The following TRAPPC9 variants were observed in gnomAD, a reference collection of about 807,000 sequenced individuals.
The protein encoded by TRAPPC9 is trafficking protein particle complex subunit 9.
In TRAPPC9, 83 loss-of-function variants were observed where a neutral mutation model predicts 124.0. The observed-to-expected ratio is 0.67, with a 90% CI of 0.56 to 0.80. The LOEUF is 0.80. TRAPPC9 is among the 30% of genes least tolerant of loss of function. The pLI is 0.00. For missense variants in TRAPPC9, 1,302 were observed against 1,508.3 expected (o/e 0.86, Z 2.27); for synonymous variants, 638 against 617.5 (o/e 1.03, Z -0.49).
chr8:140,435,105 A>G lies in TRAPPC9; in HGVS notation c.859+7T>C. On this transcript the variant is annotated splice_region_variant and intron_variant, in intron 4 of 22. Coordinates refer to ENST00000438773, the MANE Select transcript of TRAPPC9 (RefSeq NM_001160372.4). ...TGAGCAGAGGCCGGAAAAAGGGCAG[A>G]GCTCACCTGGCCGGTGTCTATTGGC... The G allele has an allele frequency of 6.2e-7, 1 of 1,614,230 alleles. No homozygotes were observed. Among genetic ancestry groups the G allele is most frequent in the Non-Finnish European group, 8.5e-7 (1 of 1,180,040 alleles).
At chr8:139,916,053 G>A (rs910904334) in intron 19 of TRAPPC9, among the ~76,000 whole-genome samples, 41 of 152,152 alleles carry the variant, frequency 2.7e-4, no homozygotes, top group African/African-American at 8.7e-4. Context: ...GGACTTCAGG[G>A]GAGCTTATAT....
chr8:140,011,475 T>C (rs952472712), intron 18 of TRAPPC9, among the ~76,000 whole-genome samples: 7 of 150,926 alleles, frequency 4.6e-5, no homozygotes, highest in Admixed American at 1.3e-4. Flanking sequence ...TACTCGTCTC[T>C]ACTTAACATG....
chr8:140,130,891 G>T (rs946171715), intron 17 of TRAPPC9, among the ~76,000 whole-genome samples: 2 of 152,118 alleles, frequency 1.3e-5, no homozygotes, highest in Admixed American at 1.3e-4. Flanking sequence ...CACAATAAAT[G>T]TTCAGTGTAA....
intron 20 of TRAPPC9, among the ~76,000 whole-genome samples, chr8:139,886,327 T>C (rs935760014): frequency 6.6e-6 from 1 of 152,266 alleles, no homozygotes; most frequent in African/African-American, 2.4e-5. Flanking sequence ...GGTTCACTGT[T>C]CAATACAACC....
At chr8:140,295,220 TA>T (rs2065774417) in intron 11 of TRAPPC9, among the ~76,000 whole-genome samples, 1 of 152,148 alleles carries the variant, frequency 6.6e-6, no homozygotes, top group South Asian at 2.1e-4. Flanking sequence ...CCCCAGCACA[TA>T]GCACAGGGCA....
In TRAPPC9 at chr8:139,885,904, G is replaced by A. The variant is rs1260109762; in HGVS notation, c.3030C>T (p.His1010=). ...CCCACTGCAGAGGCGCCAGCTGCAG[G>A]TGCTCCAGGACGAGCTGGTTCAGGA... ...EGLLNQLVLE[H]LQLAPLQWDV... The change falls in exon 21 of 23, where the codon CAC becomes CAT. Residue 1010 remains histidine, a synonymous_variant. Coordinates refer to ENST00000438773, the MANE Select transcript of TRAPPC9 (RefSeq NM_001160372.4). The A allele has an allele frequency of 1.9e-6, 3 of 1,569,598 alleles. No individual in the cohort carries two copies. The highest frequency in any genetic ancestry group is 1.2e-5 in the South Asian group (1 of 85,190).
intron 17 of TRAPPC9, among the ~76,000 whole-genome samples, chr8:140,037,494 G>A (rs1840969788): frequency 6.6e-6 from 1 of 152,026 alleles, no homozygotes; most frequent in East Asian, 1.9e-4. Flanking sequence ...CCCAGCTACA[G>A]TTCAGACCTC....
intron 19 of TRAPPC9, among the ~76,000 whole-genome samples, chr8:139,912,517 C>G (rs1264065596): frequency 6.6e-6 from 1 of 152,212 alleles, no homozygotes; most frequent in African/African-American, 2.4e-5. Context: ...GAACTGTTCC[C>G]AGACATGGAG....
chr8:140,116,827 G>A (rs537617615), intron 17 of TRAPPC9, among the ~76,000 whole-genome samples: 3 of 97,592 alleles, frequency 3.1e-5, no homozygotes, highest in Admixed American at 1.3e-4. Context: ...CTGAATAGGC[G>A]GAGTTCAGTG....
At chr8:139,959,248 T>C (rs1835218540) in intron 19 of TRAPPC9, among the ~76,000 whole-genome samples, 1 of 152,228 alleles carries the variant, frequency 6.6e-6, no homozygotes, top group African/African-American at 2.4e-5. Flanking sequence ...TGATGAAGTA[T>C]TTAGGTGAAG....
chr8:139,988,247 G>A (rs1176542410), intron 19 of TRAPPC9, among the ~76,000 whole-genome samples: 3 of 151,760 alleles, frequency 2.0e-5, no homozygotes, highest in Non-Finnish European at 4.4e-5. Flanking sequence ...CGAGTAGCTG[G>A]GATAACAGGC....
At chr8:139,965,789 C>CAAGGGGAAATACAAACAATGCAATT (rs1835667156) in intron 19 of TRAPPC9, among the ~76,000 whole-genome samples, 45 of 152,122 alleles carry the variant, frequency 3.0e-4, no homozygotes, top group South Asian at 8.3e-4. Flanking sequence ...CCATGTTGAG[C>CAAGGGGAAATACAAACAATGCAATT]AGAGTTGGCT....
At chr8:140,328,804 T>C (rs2066811379) in intron 9 of TRAPPC9, among the ~76,000 whole-genome samples, 1 of 152,060 alleles carries the variant, frequency 6.6e-6, no homozygotes, top group Admixed American at 6.6e-5. Flanking sequence ...CTAATTAGCA[T>C]AGTTATAATT....
intron 21 of TRAPPC9, among the ~76,000 whole-genome samples, chr8:139,820,105 A>G (rs2130789179): frequency 6.6e-6 from 1 of 152,186 alleles, no homozygotes; most frequent in South Asian, 2.1e-4. Flanking sequence ...ATAAATGCCA[A>G]AAGACATTTT....
chr8:140,301,896 A>G (rs1356968594), intron 10 of TRAPPC9, among the ~76,000 whole-genome samples: 1 of 152,210 alleles, frequency 6.6e-6, no homozygotes, highest in African/African-American at 2.4e-5. Flanking sequence ...GGCCTGGAGC[A>G]CTCAGCAACC....
chr8:140,025,029 C>T (rs937476100), intron 17 of TRAPPC9, among the ~76,000 whole-genome samples: 1 of 152,188 alleles, frequency 6.6e-6, no homozygotes, highest in Admixed American at 6.5e-5. Context: ...CAGCGGTACC[C>T]AGTGAGAGGC....
intron 17 of TRAPPC9, among the ~76,000 whole-genome samples, chr8:140,114,000 A>T (rs146526587): frequency 6.6e-6 from 1 of 152,316 alleles, no homozygotes; most frequent in African/African-American, 2.4e-5. Flanking sequence ...GAAGTCTCTG[A>T]TCAGAATTGA....
Position 139,729,315 on chromosome 8 carries a change from C to T in TRAPPC9, c.*1746G>A, listed in dbSNP as rs1049539294. Reference sequence around the variant, plus strand: ...TGCAATGTGTTGTTTCATTCAATGGCGTATTTTTGGGCTCTGTTGAGGTTG... The same window carrying T: ...TGCAATGTGTTGTTTCATTCAATGGTGTATTTTTGGGCTCTGTTGAGGTTG... On this transcript the variant is annotated 3_prime_UTR_variant, in exon 23 of 23. Transcript: ENST00000438773. 2.0e-5 allele frequency among the ~76,000 whole-genome samples: 3 copies of T among 152,252 alleles called. No homozygotes were observed. Among genetic ancestry groups the T allele is most frequent in the African/African-American group, 4.8e-5 (2 of 41,456 alleles).
In TRAPPC9 at chr8:140,451,143, G is replaced by A. The variant is rs763988631; in HGVS notation, c.231C>T (p.Val77=). 16 of 1,613,964 alleles carry A rather than the reference G, an allele frequency of 9.9e-6. No individual in the cohort carries two copies. Among genetic ancestry groups the A allele is most frequent in the East Asian group, 2.2e-5 (1 of 44,888 alleles). ...AGTCTGTGATGGTGATGAGGCCCACGACTTTGCGGTGGGTCTGGAAGTCAC... is the reference window on the plus strand; with the variant it reads ...AGTCTGTGATGGTGATGAGGCCCACAACTTTGCGGTGGGTCTGGAAGTCAC... ...EWGDFQTHRK[V]VGLITITDCF... is the part of the protein sequence containing the mutation. The change falls in exon 2 of 23, where the codon GTC becomes GTT. Residue 77 remains valine (V), a synonymous_variant. Transcript: ENST00000438773.
Sources: allele counts gnomAD v4.1 joint callset (sites outside exome capture counted in the v4.1 genomes callset), GRCh38; gene constraint gnomAD v4.1.1; transcripts MANE v1.5; gene names NCBI Gene and HGNC (gene_info 2026-07-23, HGNC 2026-07-21).